NPTXR: variants seen among roughly 807,000 people sequenced by gnomAD.
NPTXR encodes the protein neuronal pentraxin receptor.
NPTXR carries 12 observed loss-of-function variants against 32.2 expected under a neutral mutation model. That is an observed-to-expected ratio of 0.37 (90% CI 0.24 to 0.60). The LOEUF is 0.60. NPTXR is among the 20% of genes least tolerant of loss of function. The probability of loss-of-function intolerance (pLI) is 0.66; values close to 1 mark genes in which losing one functional copy is unlikely to be tolerated. For synonymous variants in NPTXR, 323 were observed against 315.8 expected, an observed-to-expected ratio of 1.02 and a Z score of -0.24; for missense variants, 612 against 682.9, an observed-to-expected ratio of 0.90 and a Z score of 1.16.
At chr22:38,829,286 T>C (rs2093112419) in intron 1 of NPTXR, among the ~76,000 whole-genome samples, 1 of 152,084 alleles carries the variant, frequency 6.6e-6, no homozygotes, top group African/African-American at 2.4e-5. Context: ...GGCTCTGACA[T>C]CCCCCATCCA....
At chr22:38,827,075 C>T (rs2146192757) in intron 2 of NPTXR, among the ~76,000 whole-genome samples, 1 of 152,244 alleles carries the variant, frequency 6.6e-6, no homozygotes, top group East Asian at 1.9e-4. Flanking sequence ...TGTTCCTGTG[C>T]TCCACCTAGG....
intron 1 of NPTXR, among the ~76,000 whole-genome samples, chr22:38,836,969 C>T (rs2093124915): frequency 1.3e-5 from 2 of 152,120 alleles, no homozygotes; most frequent in South Asian, 2.1e-4. Context: ...TGCCCGCCAC[C>T]ATGCCCGGCT....
intron 1 of NPTXR, among the ~76,000 whole-genome samples, chr22:38,838,803 G>C (rs766931780): frequency 1.1e-4 from 17 of 151,764 alleles, no homozygotes; most frequent in Admixed American, 5.2e-4. Flanking sequence ...GGATGGTCTC[G>C]ATCTCCTGAC....
At chr22:38,825,978 G>A (rs1297467638) in intron 3 of NPTXR, among the ~76,000 whole-genome samples, 3 of 152,050 alleles carry the variant, frequency 2.0e-5, no homozygotes, top group Non-Finnish European at 4.4e-5. Flanking sequence ...GAGTAGCTGG[G>A]ACTACAGGTG....
At chr22:38,830,396 G>C (rs999645621) in intron 1 of NPTXR, among the ~76,000 whole-genome samples, 1 of 152,316 alleles carries the variant, frequency 6.6e-6, no homozygotes, top group African/African-American at 2.4e-5. Flanking sequence ...GGACGCTCTT[G>C]CTGCCGGCTG....
intron 1 of NPTXR, among the ~76,000 whole-genome samples, chr22:38,828,822 A>G (rs925041698): frequency 6.6e-6 from 1 of 152,226 alleles, no homozygotes; most frequent in Non-Finnish European, 1.5e-5. Context: ...AGGTGGTTTC[A>G]GGGTGCAGCT....
intron 3 of NPTXR, among the ~76,000 whole-genome samples, chr22:38,824,998 G>A (rs1250268545): frequency 1.3e-5 from 2 of 152,194 alleles, no homozygotes; most frequent in Non-Finnish European, 1.5e-5. Context: ...TACGATATGT[G>A]GTATCTGCAT....
At chr22:38,824,648 A>G (rs1358202770) in intron 3 of NPTXR, among the ~76,000 whole-genome samples, 1 of 152,206 alleles carries the variant, frequency 6.6e-6, no homozygotes, top group Non-Finnish European at 1.5e-5. Context: ...TGGCTCTCAA[A>G]AGGACTCTAG....
chr22:38,827,097 G>C (rs111611995), intron 2 of NPTXR, among the ~76,000 whole-genome samples: 1,827 of 152,236 alleles, frequency 0.012, 32 homozygotes, highest in African/African-American at 0.042. Context: ...TGCTGGCCCT[G>C]AGCCACCAGA....
chr22:38,825,936 G>A (rs979781332), intron 3 of NPTXR, among the ~76,000 whole-genome samples: 3 of 151,090 alleles, frequency 2.0e-5, no homozygotes, highest in Non-Finnish European at 2.9e-5. Context: ...TCTGCCTCTC[G>A]GGTTCTGGCC....
At chr22:38,831,227 C>T (rs184672685) in intron 1 of NPTXR, among the ~76,000 whole-genome samples, 31 of 152,102 alleles carry the variant, frequency 2.0e-4, no homozygotes, top group Non-Finnish European at 2.9e-5. Flanking sequence ...GGCAACATGG[C>T]GAAACCCCAT....
At chr22:38,832,317 T>C (rs912626832) in intron 1 of NPTXR, among the ~76,000 whole-genome samples, 1 of 152,192 alleles carries the variant, frequency 6.6e-6, no homozygotes, top group African/African-American at 2.4e-5. Context: ...CGATGCCAAC[T>C]GGGCCCCTCA....
chr22:38,841,149 C>T (rs2093131050), intron 1 of NPTXR, among the ~76,000 whole-genome samples: 1 of 152,228 alleles, frequency 6.6e-6, no homozygotes, highest in African/African-American at 2.4e-5. Flanking sequence ...TGGTCTCACC[C>T]TGTGTCTGCT....
Position 38,843,982 on chromosome 22 carries a change from G to C in NPTXR, c.-124C>G. 1 of 437,442 alleles carries C rather than the reference G, an allele frequency of 2.3e-6. No individual in the cohort carries two copies. The allele number at this position is 437,442 out of a possible 1,614,324, so 27.1% of individuals were successfully genotyped here. The stretch of plus-strand genomic sequence containing the variant: ...GGGAGCCGGAGCCGGAGCCGGAGCC[G>C]GAGCCGGAGCTGGAGCTGTCGCCGC... On this transcript the variant is annotated 5_prime_UTR_variant, in exon 1 of 5. Transcript: ENST00000333039. This position sits in a 1 kb window ranked among gnomAD's most constrained non-coding sequence, Gnocchi z 5.3.
Position 38,843,178 on chromosome 22 carries a change from G to A in NPTXR, c.624+57C>T, listed in dbSNP as rs1057451555. On this transcript the variant is annotated intron_variant, in intron 1 of 4. Coordinates refer to ENST00000333039, the MANE Select transcript of NPTXR (RefSeq NM_014293.4). This position sits in a 1 kb window ranked among gnomAD's most constrained non-coding sequence, Gnocchi z 5.3. ...GGCTCGGGGACCGCCGGACGACCGCGGCCGGGCGGCCCCTCACACCACCCG... is the reference window on the plus strand; with the variant it reads ...GGCTCGGGGACCGCCGGACGACCGCAGCCGGGCGGCCCCTCACACCACCCG... 447 of 1,259,888 alleles carry A rather than the reference G, an allele frequency of 3.5e-4. 1 individual carries two copies. The highest frequency in any genetic ancestry group is 1.6e-4 in the Non-Finnish European group (158 of 1,002,656). The allele number at this position is 1,259,888 out of a possible 1,614,324, so 78.0% of individuals were successfully genotyped here. A position where few individuals can be genotyped will look rare whatever the true frequency, so the allele number is the denominator to read the frequency against.
chr22:38,830,724 C>A (rs1386624510), intron 1 of NPTXR, among the ~76,000 whole-genome samples: 4 of 152,256 alleles, frequency 2.6e-5, no homozygotes, highest in Middle Eastern at 6.8e-3. Context: ...CTCAGCAACC[C>A]CCCTCTTCTG....
intron 2 of NPTXR, 111 bp from the exon 3 acceptor site, chr22:38,826,858 G>A: frequency 1.6e-6 from 2 of 1,262,588 alleles, no homozygotes; most frequent in Non-Finnish European, 2.2e-6. Flanking sequence ...CCTGCTGCAT[G>A]CCCAGTGCCT....
chr22:38,831,455 T>A (rs1024658321), intron 1 of NPTXR, among the ~76,000 whole-genome samples: 1 of 152,088 alleles, frequency 6.6e-6, no homozygotes, highest in Non-Finnish European at 1.5e-5. Flanking sequence ...CCAGGACAGA[T>A]GGAAGGATGG....
chr22:38,830,174 C>T lies in NPTXR; in HGVS notation c.625-1662G>A, dbSNP rs151167305. ...TTGAGGAGTTGCAGGAACCGGCCCT[C>T]GGCTCTGCCACTGCCCCGTGAGAGT... On this transcript the variant is annotated intron_variant, in intron 1 of 4. Coordinates refer to ENST00000333039, the MANE Select transcript of NPTXR (RefSeq NM_014293.4). Among the ~76,000 whole-genome samples the T allele has an allele frequency of 5.9e-5, 9 of 152,306 alleles. No homozygotes were observed. The East Asian group carries it at 1.5e-3, about 26-fold the overall frequency.
Sources: gnomAD v4.1 joint callset for allele counts (sites outside exome capture counted in the v4.1 genomes callset) on GRCh38, gnomAD v4.1.1 for gene constraint, Gnocchi (gnomAD v3.1) non-coding constraint, MANE v1.5 for transcripts, NCBI Gene and HGNC (gene_info 2026-07-23, HGNC 2026-07-21) for gene names.